Variants in EYS observed in about 807,000 individuals in gnomAD.
EYS encodes the protein EGF-like photoreceptor maintenance factor.
Under a neutral mutation model 282.1 loss-of-function variants are expected in EYS, and 250 were observed. That is an observed-to-expected ratio of 0.89 (90% confidence interval 0.80 to 0.98). The LOEUF is 0.98. Ranked by LOEUF, EYS falls within the 50% of genes least tolerant of loss-of-function variation. The pLI, the probability that EYS is intolerant of heterozygous loss-of-function variation, is 0.00. For synonymous variants in EYS, 1,355 were observed against 1,282.9 expected, an observed-to-expected ratio of 1.06 and a Z score of -1.20; for missense variants, 4,016 against 3,709.0, an observed-to-expected ratio of 1.08 and a Z score of -2.15.
At chr6:65,033,018 C>T (rs1772652525) in intron 13 of EYS, among the ~76,000 whole-genome samples, 1 of 152,136 alleles carries the variant, frequency 6.6e-6, no homozygotes, top group South Asian at 2.1e-4. Context: ...GTGTTATGCC[C>T]TAGCAAAGAG....
At chr6:65,462,088 C>A (rs1269676436) in intron 5 of EYS, among the ~76,000 whole-genome samples, 3 of 151,986 alleles carry the variant, frequency 2.0e-5, no homozygotes, top group Non-Finnish European at 4.4e-5. Context: ...CTGGCCACTG[C>A]ATAACAAATT....
chr6:65,626,912 C>A (rs2149805386), intron 2 of EYS, among the ~76,000 whole-genome samples: 1 of 151,934 alleles, frequency 6.6e-6, no homozygotes, highest in East Asian at 1.9e-4. Context: ...AAAACACACA[C>A]ACACACACAC....
At chr6:64,124,498 A>G (rs1773695805) in intron 31 of EYS, among the ~76,000 whole-genome samples, 1 of 152,212 alleles carries the variant, frequency 6.6e-6, no homozygotes, top group Non-Finnish European at 1.5e-5. Context: ...TGACTGAGTG[A>G]TCATTTCTAC....
chr6:65,220,415 G>T (rs1213214431), intron 12 of EYS, among the ~76,000 whole-genome samples: 1 of 152,040 alleles, frequency 6.6e-6, no homozygotes, highest in Non-Finnish European at 1.5e-5. Flanking sequence ...TCATGATAGT[G>T]AATAAGCCTC....
intron 26 of EYS, among the ~76,000 whole-genome samples, chr6:64,442,216 C>T (rs1774972171): frequency 6.6e-6 from 1 of 152,112 alleles, no homozygotes; most frequent in Admixed American, 6.6e-5. Context: ...AGAAAAGAGA[C>T]TGGAGGTATT....
chr6:65,567,681 T>A (rs1458246160), intron 2 of EYS, among the ~76,000 whole-genome samples: 1 of 152,158 alleles, frequency 6.6e-6, no homozygotes, highest in Non-Finnish European at 1.5e-5. Flanking sequence ...TATGTTAACC[T>A]CTAGTTTTCA....
At chr6:65,260,470 T>C (rs1056725409) in intron 12 of EYS, among the ~76,000 whole-genome samples, 6 of 152,104 alleles carry the variant, frequency 3.9e-5, no homozygotes, top group Admixed American at 2.6e-4. Context: ...TTATTGTTTC[T>C]ATGGTTTATC....
chr6:65,333,750 T>A (rs936306632), intron 11 of EYS, among the ~76,000 whole-genome samples: 6 of 149,670 alleles, frequency 4.0e-5, no homozygotes, highest in African/African-American at 1.2e-4. Flanking sequence ...TACACACACA[T>A]ATATGTTTGT....
At chr6:64,795,079 T>C (rs956158707) in intron 22 of EYS, among the ~76,000 whole-genome samples, 8 of 151,660 alleles carry the variant, frequency 5.3e-5, no homozygotes, top group Admixed American at 4.6e-4. Context: ...TACCAAAAAT[T>C]CAAAAATTAG....
chr6:64,305,340 C>A (rs1311346135), intron 30 of EYS, among the ~76,000 whole-genome samples: 1 of 120,030 alleles, frequency 8.3e-6, no homozygotes, highest in African/African-American at 3.2e-5. Context: ...CAATCCCCAA[C>A]AAAATCCCAG....
intron 19 of EYS, among the ~76,000 whole-genome samples, chr6:64,861,089 C>T (rs1305143594): frequency 2.6e-5 from 4 of 152,300 alleles, no homozygotes; most frequent in Non-Finnish European, 4.4e-5. Context: ...TGGGTACCTG[C>T]CCCTTTCCAC....
intron 24 of EYS, among the ~76,000 whole-genome samples, chr6:64,598,332 G>A (rs1766653625): frequency 6.6e-6 from 1 of 152,124 alleles, no homozygotes; most frequent in Non-Finnish European, 1.5e-5. Flanking sequence ...TTGGTGGCGG[G>A]CGTCTGTAGT....
At chr6:64,705,331 G>T (rs960852883) in intron 22 of EYS, among the ~76,000 whole-genome samples, 1 of 151,824 alleles carries the variant, frequency 6.6e-6, no homozygotes, top group African/African-American at 2.4e-5. Flanking sequence ...GGAAATCATA[G>T]ATAAACAAAC....
At chr6:64,201,968 G>A (rs1247520056) in intron 31 of EYS, among the ~76,000 whole-genome samples, 1 of 152,180 alleles carries the variant, frequency 6.6e-6, no homozygotes, top group Non-Finnish European at 1.5e-5. Flanking sequence ...TAGTGAACAT[G>A]CTACAATGCA....
At chr6:65,478,971 C>T (rs1220967786) in intron 5 of EYS, among the ~76,000 whole-genome samples, 1 of 152,040 alleles carries the variant, frequency 6.6e-6, no homozygotes, top group Non-Finnish European at 1.5e-5. Context: ...CATGAGTAAA[C>T]TCAGAAATTT....
intron 24 of EYS, among the ~76,000 whole-genome samples, chr6:64,602,508 C>T (rs1766794645): frequency 6.6e-6 from 1 of 152,096 alleles, no homozygotes; most frequent in South Asian, 2.1e-4. Flanking sequence ...GTCTTGAAAC[C>T]AGAGATGACA....
intron 22 of EYS, among the ~76,000 whole-genome samples, chr6:64,785,368 A>G (rs1274354405): frequency 6.6e-6 from 1 of 152,182 alleles, no homozygotes; most frequent in Non-Finnish European, 1.5e-5. Flanking sequence ...GGAAATGAAT[A>G]TAGCCAAATC....
At chr6:64,790,258 T>C (rs1774149592) in intron 22 of EYS, among the ~76,000 whole-genome samples, 1 of 151,684 alleles carries the variant, frequency 6.6e-6, no homozygotes, top group African/African-American at 2.4e-5. Context: ...AATTAAAGAG[T>C]AGACTGGATC....
intron 7 of EYS, among the ~76,000 whole-genome samples, chr6:65,392,893 T>C (rs537649498): frequency 4.5e-4 from 69 of 152,264 alleles, no homozygotes; most frequent in African/African-American, 1.6e-3. Context: ...TGCGGCATTA[T>C]TCACAATAGC....
Sources: gnomAD v4.1 joint callset for allele counts (sites outside exome capture counted in the v4.1 genomes callset) on GRCh38, gnomAD v4.1.1 for gene constraint, MANE v1.5 for transcripts, NCBI Gene and HGNC (gene_info 2026-07-23, HGNC 2026-07-21) for gene names.